The following PCDHGA7 variants were observed in gnomAD, a reference collection of about 807,000 sequenced individuals.
PCDHGA7 encodes protocadherin gamma-A7.
PCDHGA7 carries 44 observed loss-of-function variants against 58.3 expected under a neutral mutation model. That is an observed-to-expected ratio of 0.75 (90% CI 0.59 to 0.97). The LOEUF (loss-of-function observed/expected upper bound fraction) is 0.97, where lower values mean the gene tolerates loss of function less well. Ranked by LOEUF, PCDHGA7 falls within the 50% of genes least tolerant of loss-of-function variation. The probability of loss-of-function intolerance (pLI) is 0.00; values close to 1 mark genes in which losing one functional copy is unlikely to be tolerated. For missense variants in PCDHGA7, 1,266 were observed against 1,188.7 expected, an observed-to-expected ratio of 1.06 and a Z score of -0.96; for synonymous variants, 516 against 504.2, an observed-to-expected ratio of 1.02 and a Z score of -0.31.
chr5:141,499,322 T>C (rs1186220818), intron 2 of PCDHGA7, among the ~76,000 whole-genome samples: 1 of 152,218 alleles, frequency 6.6e-6, no homozygotes, highest in Non-Finnish European at 1.5e-5. Context: ...ACAGTATCCC[T>C]GCTCTCTCTC....
intron 1 of PCDHGA7, chr5:141,398,210 C>T (rs755562930): frequency 1.3e-6 from 2 of 1,483,862 alleles, no homozygotes; most frequent in South Asian, 1.3e-5. Flanking sequence ...TTCTGCCCGG[C>T]GCTCTGTGAG....
rs2099404773 is a variant in PCDHGA7 at position 141,477,081 on chromosome 5, T to C, written c.2425-17726T>C. ...GACACCAAACTCCATGAGATTTACA[T>C]CCAGGCCAAAGACAAGGGCGCCAAT... On this transcript the variant is annotated intron_variant, in intron 1 of 3. Transcript: ENST00000518325. The surrounding 1 kb of genome is among the most constrained non-coding windows in gnomAD (Gnocchi z 4.9). 6.2e-7 allele frequency: 1 copy of C among 1,614,104 alleles called. No individual in the cohort carries two copies. Among genetic ancestry groups the C allele is most frequent in the Non-Finnish European group, 8.5e-7 (1 of 1,180,052 alleles).
intron 1 of PCDHGA7, chr5:141,418,890 G>A (rs1449142412): frequency 1.9e-6 from 3 of 1,613,934 alleles, no homozygotes; most frequent in Non-Finnish European, 2.5e-6. Flanking sequence ...AACGACAACA[G>A]CCCAGAAATA....
chr5:141,423,671 T>C (rs773279181), intron 1 of PCDHGA7: 7 of 1,550,720 alleles, frequency 4.5e-6, no homozygotes, highest in Non-Finnish European at 5.2e-6. Context: ...GTGAGATTTA[T>C]TTCTCTGCCT....
At position 141,384,205 on chromosome 5, in the gene PCDHGA7, A is replaced by G. The variant is rs537255250; in HGVS notation, c.1306A>G (p.Thr436Ala). 3.1e-6 allele frequency: 5 copies of G among 1,613,874 alleles called. No homozygotes were observed. In the African/African-American group the frequency reaches 4.0e-5, roughly 13 times the overall value. The change falls in exon 1 of 4, where the codon ACT becomes GCT. Residue 436 changes from threonine (T) to alanine (A), a missense_variant. Physicochemically the swap from Thr to Ala is moderately conservative, Grantham distance 58. Transcript: ENST00000518325. ...DGGTPPLSRETHIFMQVADTN... is the reference protein window; with the variant it reads ...DGGTPPLSREAHIFMQVADTN... ...TGGAACTCCTCCCTTGTCCAGGGAAACTCACATATTCATGCAGGTGGCAGA... is the reference window on the plus strand; with the variant it reads ...TGGAACTCCTCCCTTGTCCAGGGAAGCTCACATATTCATGCAGGTGGCAGA...
chr5:141,414,615 G>T, intron 1 of PCDHGA7: 1 of 1,613,962 alleles, frequency 6.2e-7, no homozygotes, highest in Non-Finnish European at 8.5e-7. Flanking sequence ...CAGTGACAGC[G>T]CTGGACCCGG....
intron 1 of PCDHGA7, chr5:141,423,165 C>T (rs1307049367): frequency 6.8e-6 from 11 of 1,613,434 alleles, no homozygotes; most frequent in Admixed American, 3.3e-5. Context: ...TCGTGGTGGC[C>T]GTCCAGGACC....
chr5:141,478,302 C>T lies in PCDHGA7; in HGVS notation c.2425-16505C>T. On this transcript the variant is annotated intron_variant, in intron 1 of 3. Transcript: ENST00000518325. ...AAGCAGTCTAGAGACCTATACCGAG[C>T]CCCGGTGAGCTCACTGTACCGAACA... 4 of 1,614,070 alleles carry T rather than the reference C, an allele frequency of 2.5e-6. No individual in the cohort carries two copies. Among genetic ancestry groups the T allele is most frequent in the Non-Finnish European group, 3.4e-6 (4 of 1,180,038 alleles).
intron 1 of PCDHGA7, chr5:141,400,636 G>C: frequency 7.5e-7 from 1 of 1,325,762 alleles, no homozygotes; most frequent in Non-Finnish European, 1.1e-6. Context: ...AGTCAGAGCT[G>C]CTCAGAAAGC....
Position 141,407,988 on chromosome 5 carries a change from C to T in PCDHGA7, c.2424+22665C>T, listed in dbSNP as rs923527525. 1.3e-4 allele frequency: 104 copies of T among 827,076 alleles called. 1 individual carries two copies. The highest frequency in any genetic ancestry group is 3.7e-4 in the Middle Eastern group (1 of 2,684). 51.2% of individuals were successfully genotyped at this position (827,076 alleles called of 1,614,324 possible). ...GCGCTGACGCCGGGGATCCGTCAGC[C>T]TCTGGCCTGGGATTCCCTGCGCAGC... On this transcript the variant is annotated intron_variant, in intron 1 of 3. Transcript: ENST00000518325.
chr5:141,385,188 T>A lies in PCDHGA7; in HGVS notation c.2289T>A (p.Ser763=), dbSNP rs1352073072. 2 of 1,614,080 alleles carry A rather than the reference T, an allele frequency of 1.2e-6. No homozygotes were observed. The highest frequency in any genetic ancestry group is 1.3e-5 in the African/African-American group (1 of 74,924). ...ATGAGGTCTCCCTCACCGCGGACTC[T>A]CGGAAGAGTCACCTGATCTTCCCCC... ...YSHEVSLTAD[S]RKSHLIFPQP... is the part of the protein sequence containing the mutation. The change falls in exon 1 of 4, where the codon TCT becomes TCA. Residue 763 remains serine, a synonymous_variant. Coordinates refer to ENST00000518325, the MANE Select transcript of PCDHGA7 (RefSeq NM_018920.4).
At chr5:141,393,609 G>A (rs1428368601) in intron 1 of PCDHGA7, 2 of 1,613,940 alleles carry the variant, frequency 1.2e-6, no homozygotes, top group South Asian at 2.2e-5. Context: ...TACTGTAACA[G>A]CCAGCGACCC....
intron 1 of PCDHGA7, chr5:141,421,412 A>T (rs375885183): frequency 4.3e-6 from 7 of 1,613,962 alleles, no homozygotes; most frequent in Non-Finnish European, 5.9e-6. Context: ...GAGCTGGCGA[A>T]GCGCGGAGTC....
intron 1 of PCDHGA7, chr5:141,404,380 C>T (rs777340976): frequency 1.9e-6 from 3 of 1,613,916 alleles, no homozygotes; most frequent in Non-Finnish European, 2.5e-6. Context: ...CCGTGATTGC[C>T]TATGACCCTG....
chr5:141,478,716 G>T, intron 1 of PCDHGA7: 1 of 1,545,206 alleles, frequency 6.5e-7, no homozygotes. Flanking sequence ...TGAGATGGTG[G>T]CCTGCCAGAG....
Position 141,382,985 on chromosome 5 carries a change from G to C in PCDHGA7, c.86G>C (p.Gly29Ala), listed in dbSNP as rs769787880. 1.2e-6 allele frequency: 2 copies of C among 1,613,304 alleles called. No individual in the cohort carries two copies. Among genetic ancestry groups the C allele is most frequent in the African/African-American group, 2.7e-5 (2 of 75,058 alleles). ...LLGTPWEAWA[G>A]RILYSVSEET... ...GGGACCCCCTGGGAAGCCTGGGCAG[G>C]ACGTATTCTCTACTCCGTGTCGGAG... Residue 29 changes from glycine to alanine, a missense_variant, in exon 1 of 4, where the codon GGA becomes GCA. Gly to Ala is a moderately conservative substitution (Grantham distance 60). Coordinates refer to ENST00000518325, the MANE Select transcript of PCDHGA7 (RefSeq NM_018920.4).
Position 141,486,146 on chromosome 5 carries a change from G to A in PCDHGA7, c.2425-8661G>A, listed in dbSNP as rs533158692. The A allele has an allele frequency of 3.1e-6, 5 of 1,614,184 alleles. No homozygotes were observed. The highest frequency in any genetic ancestry group is 2.2e-5 in the East Asian group (1 of 44,876). The stretch of plus-strand genomic sequence containing the variant: ...TGAATTTGATGTGCGGGCTCGCGAT[G>A]GGGGTTCTCCAGCCATGGAGCAACA... On this transcript the variant is annotated intron_variant, in intron 1 of 3. Transcript: ENST00000518325. The surrounding 1 kb of genome is among the most constrained non-coding windows in gnomAD (Gnocchi z 5.0).
intron 1 of PCDHGA7, chr5:141,410,799 C>T: frequency 2.9e-5 from 16 of 560,592 alleles, no homozygotes; most frequent in South Asian, 8.0e-5. Context: ...ATAAGTTGCT[C>T]TATCTTTTTG....
At position 141,398,835 on chromosome 5, in the gene PCDHGA7, T is replaced by C. The variant is rs371527677; in HGVS notation, c.2424+13512T>C. The C allele has an allele frequency of 2.0e-5, 33 of 1,613,914 alleles. No homozygotes were observed. In the African/African-American group the frequency reaches 3.7e-4, roughly 18 times the overall value. ...TCCGGATCCAGGTAACCGACGCCAA[T>C]GATAATCCCCCGGTATTCAACCGAG... On this transcript the variant is annotated intron_variant, in intron 1 of 3. Transcript: ENST00000518325.
Sources: allele counts gnomAD v4.1 joint callset (sites outside exome capture counted in the v4.1 genomes callset), GRCh38; gene constraint gnomAD v4.1.1; non-coding constraint Gnocchi (gnomAD v3.1); transcripts MANE v1.5; gene names NCBI Gene and HGNC (gene_info 2026-07-23, HGNC 2026-07-21).